Variants in NKTR observed in about 807,000 individuals in gnomAD.
NKTR encodes the protein NK-tumor recognition protein.
In NKTR, 67 loss-of-function variants were observed where a neutral mutation model predicts 156.3. The ratio of observed to expected loss-of-function variants is 0.43; its 90% CI spans 0.35 to 0.53. The LOEUF (loss-of-function observed/expected upper bound fraction) is 0.53, where lower values mean the gene tolerates loss of function less well. NKTR is among the 20% of genes least tolerant of loss of function. NKTR has a pLI of 0.01. For missense variants in NKTR, 1,604 were observed against 1,730.9 expected, an observed-to-expected ratio of 0.93 and a Z score of 1.30; for synonymous variants, 640 against 596.6, an observed-to-expected ratio of 1.07 and a Z score of -1.06.
At chr3:42,633,817 T>G in intron 10 of NKTR, 82 bp downstream of exon 10, 1 of 1,455,038 alleles carries the variant, frequency 6.9e-7, no homozygotes, top group Non-Finnish European at 9.5e-7. Flanking sequence ...CACTCATGTA[T>G]GGAACATGAT....
intron 16 of NKTR, among the ~76,000 whole-genome samples, chr3:42,644,205 GGTT>G (rs1038663237): frequency 5.1e-4 from 77 of 152,112 alleles, no homozygotes; most frequent in African/African-American, 1.6e-3. Context: ...AATATTTGTT[GGTT>G]ATTATTAATG....
intron 13 of NKTR, among the ~76,000 whole-genome samples, chr3:42,640,932 T>G (rs185198168): frequency 1.4e-4 from 22 of 152,354 alleles, no homozygotes; most frequent in Non-Finnish European, 3.1e-4. Context: ...ATGATCTGCC[T>G]TAACCATTTA....
At chr3:42,641,649 G>A (rs1157680339) in intron 13 of NKTR, among the ~76,000 whole-genome samples, 3 of 152,174 alleles carry the variant, frequency 2.0e-5, no homozygotes, top group African/African-American at 7.2e-5. Flanking sequence ...GGAGGCCGAG[G>A]TGGGCAGATC....
intron 2 of NKTR, among the ~76,000 whole-genome samples, chr3:42,610,153 G>T (rs972841238): frequency 1.3e-5 from 2 of 152,000 alleles, no homozygotes; most frequent in Admixed American, 6.5e-5. Flanking sequence ...TTACAGGAGT[G>T]AGCCACCACA....
chr3:42,627,203 G>C (rs1434258002), intron 6 of NKTR: 2 of 983,862 alleles, frequency 2.0e-6, no homozygotes, highest in African/African-American at 3.5e-5. Flanking sequence ...TTTACAGAAA[G>C]AGTGTTACAC....
rs141204897 is a variant in NKTR at position 42,636,406 on chromosome 3, C to T, written c.1164-462C>T. Among the ~76,000 whole-genome samples, 63 of 152,218 alleles carry T rather than the reference C, an allele frequency of 4.1e-4. No individual in the cohort carries two copies. In the East Asian group the frequency reaches 0.011, roughly 27 times the overall value. On this transcript the variant is annotated intron_variant, in intron 12 of 16. Transcript: ENST00000232978. Reference sequence around the variant, plus strand: ...ACAGTCTTAGGGGAAATCTGGATTACCTGTCTGAGGTGGAGAAAAAACAAG... The same window carrying T: ...ACAGTCTTAGGGGAAATCTGGATTATCTGTCTGAGGTGGAGAAAAAACAAG...
chr3:42,616,662 T>A (rs1332901513), intron 2 of NKTR, among the ~76,000 whole-genome samples: 1 of 152,198 alleles, frequency 6.6e-6, no homozygotes, highest in African/African-American at 2.4e-5. Flanking sequence ...CATAGTTAAA[T>A]TGAAGTTGCT....
chr3:42,601,168 G>A lies in NKTR; in HGVS notation c.58+104G>A. On this transcript the variant is annotated intron_variant, in intron 2 of 16. Coordinates refer to ENST00000232978, the MANE Select transcript of NKTR (RefSeq NM_005385.4). The stretch of plus-strand genomic sequence containing the variant: ...CCCCCGGCCTTTTTGGGAGCGGGTA[G>A]GAGGCGCAGGCAACTTTCCGTTTTC... 3.3e-6 allele frequency: 3 copies of A among 907,112 alleles called. No homozygotes were observed. The South Asian group carries it at 5.4e-5, about 16-fold the overall frequency. 56.2% of individuals were successfully genotyped at this position (907,112 alleles called of 1,614,324 possible). A position where few individuals can be genotyped will look rare whatever the true frequency, so the allele number is the denominator to read the frequency against.
intron 14 of NKTR, 129 bp downstream of exon 14, chr3:42,642,725 TGTA>T: frequency 1.5e-6 from 1 of 679,310 alleles, no homozygotes; most frequent in East Asian, 2.7e-5. Flanking sequence ...TATTTTCTCA[TGTA>T]GTTTTTTCTA....
At position 42,600,911 on chromosome 3, in the gene NKTR, G is replaced by GCCCCGCCCTCGCCCCTGCCCTCGC. The variant is rs1342145994; in HGVS notation, c.-23-51_-23-28dup. ...GCACCGTGGCGCGGACTTCGTCTCA[G>GCCCCGCCCTCGCCCCTGCCCTCGC]CCCCGCCCTCGCCCCTGCCCTCGCC... On this transcript the variant is annotated intron_variant, in intron 1 of 16. Coordinates refer to ENST00000232978, the MANE Select transcript of NKTR (RefSeq NM_005385.4). 2.0e-3 allele frequency: 1,897 copies of GCCCCGCCCTCGCCCCTGCCCTCGC among 946,008 alleles called. 11 individuals carry two copies. The highest frequency in any genetic ancestry group is 5.4e-3 in the Admixed American group (153 of 28,180). The allele number at this position is 946,008 out of a possible 1,614,324, so 58.6% of individuals were successfully genotyped here.
At chr3:42,620,350 A>T in intron 5 of NKTR, 1 of 1,108,090 alleles carries the variant, frequency 9.0e-7, no homozygotes, top group Non-Finnish European at 1.1e-6. Context: ...GTATATTAGA[A>T]CTATGACTGT....
In NKTR at chr3:42,635,379, A is replaced by G; in HGVS notation, c.1163+13A>G. On this transcript the variant is annotated intron_variant, in intron 12 of 16. Transcript: ENST00000232978. ...GTAAAGGAGATAAGTAAGAACTTTG[A>G]GTATAAGCACAATCCTGTGTCTGTT... is the stretch of plus-strand genomic sequence containing the variant. 6.3e-7 allele frequency: 1 copy of G among 1,598,894 alleles called. No homozygotes were observed.
At chr3:42,630,423 T>A (rs1226034208) in intron 6 of NKTR, 123 bp from the exon 7 acceptor site, 2 of 1,534,046 alleles carry the variant, frequency 1.3e-6, no homozygotes, top group African/African-American at 2.8e-5. Context: ...CATGTTTAAC[T>A]TTTTCCCCTA....
intron 2 of NKTR, among the ~76,000 whole-genome samples, chr3:42,605,836 A>G (rs1482127549): frequency 1.3e-5 from 2 of 152,198 alleles, no homozygotes; most frequent in Non-Finnish European, 2.9e-5. Context: ...ATAGGACTCC[A>G]GTGTAATAGT....
In NKTR at chr3:42,633,519, G is replaced by A. The variant is rs942526675; in HGVS notation, c.774-61G>A. The A allele has an allele frequency of 5.8e-6, 9 of 1,559,830 alleles. No individual in the cohort carries two copies. In the African/African-American group the frequency reaches 1.1e-4, roughly 19 times the overall value. ...CTGTTGTTTTAGTAACTAATTTTAT[G>A]TGCTTTTATTATGAAATGCAAACAT... is the stretch of plus-strand genomic sequence containing the variant. On this transcript the variant is annotated intron_variant, in intron 9 of 16. Transcript: ENST00000232978.
intron 6 of NKTR, chr3:42,628,386 T>C: frequency 2.0e-6 from 2 of 985,132 alleles, no homozygotes; most frequent in Non-Finnish European, 2.4e-6. Flanking sequence ...AAGATAGCTA[T>C]TCCATCCTCA....
In NKTR at chr3:42,645,943, C is replaced by G; in HGVS notation, c.4357C>G (p.Arg1453Gly). The change falls in exon 17 of 17, where the codon CGG (arginine) becomes GGG (glycine). Residue 1453 changes from arginine to glycine, a missense_variant. Arg to Gly is a moderately radical substitution (Grantham distance 125). This residue lies in a region of NKTR where 193 missense variants were observed against 220.2 expected (regional missense o/e 0.88). Coordinates refer to ENST00000232978, the MANE Select transcript of NKTR (RefSeq NM_005385.4). ...SESDRSYSHH[R>G]SPSESSRYS ...AAGTGACCGAAGTTACTCTCATCAC[C>G]GGAGCCCCAGTGAGAGCAGCAGATA... 2 of 1,613,296 alleles carry G rather than the reference C, an allele frequency of 1.2e-6. No homozygotes were observed. The highest frequency in any genetic ancestry group is 1.1e-5 in the South Asian group (1 of 91,022).
At chr3:42,640,312 G>C (rs187435264) in intron 13 of NKTR, among the ~76,000 whole-genome samples, 1 of 152,256 alleles carries the variant, frequency 6.6e-6, no homozygotes, top group African/African-American at 2.4e-5. Flanking sequence ...TCATGAAAAG[G>C]TTTTTTGTTA....
At chr3:42,610,251 C>A (rs1417792256) in intron 2 of NKTR, among the ~76,000 whole-genome samples, 1 of 152,022 alleles carries the variant, frequency 6.6e-6, no homozygotes, top group Non-Finnish European at 1.5e-5. Context: ...TGATCCGCGC[C>A]CCCCACCGCC....
Sources: allele counts gnomAD v4.1 joint callset (sites outside exome capture counted in the v4.1 genomes callset), GRCh38; gene constraint gnomAD v4.1.1; regional missense constraint gnomAD v4.1.1; transcripts MANE v1.5; gene names NCBI Gene and HGNC (gene_info 2026-07-23, HGNC 2026-07-21).